DMD: variants seen among roughly 807,000 people sequenced by gnomAD.
The protein encoded by DMD is dystrophin.
In DMD, 63 loss-of-function variants were observed where a neutral mutation model predicts 330.1. That is an observed-to-expected ratio of 0.19 (90% CI 0.16 to 0.24). The LOEUF (loss-of-function observed/expected upper bound fraction) is 0.24. Among genes scored for constraint, DMD ranks in the 10% least tolerant of loss-of-function variants. DMD has a pLI of 1.00. For synonymous variants in DMD, 1,223 were observed against 959.8 expected, an observed-to-expected ratio of 1.27 and a Z score of -5.07; for missense variants, 3,344 against 2,684.1, an observed-to-expected ratio of 1.25 and a Z score of -5.43.
chrX:31,147,184 C>T lies in DMD; in HGVS notation c.10797+91G>A, dbSNP rs934233427. On this transcript the variant is annotated intron_variant, in intron 75 of 78. Transcript: ENST00000357033. ...CATACCAAGCACTTAAGAATTGATG[C>T]TTGTTGCACCTATAAAAAGTGCTCT... The T allele has an allele frequency of 2.0e-5, 23 of 1,134,638 alleles. No individual in the cohort carries two copies. In the African/African-American group the frequency reaches 3.6e-4, roughly 18 times the overall value. The allele number at this position is 1,134,638 out of a possible 1,213,427, so 93.5% of individuals were successfully genotyped here.
At chrX:33,144,619 C>A (rs966167266) in intron 1 of DMD, among the ~76,000 whole-genome samples, 1 of 111,482 alleles carries the variant, frequency 9.0e-6, no homozygotes, top group African/African-American at 3.3e-5. Flanking sequence ...CAAAGGATGA[C>A]GTAGCTTGAT....
chrX:32,733,214 T>C (rs2067959746), intron 7 of DMD, among the ~76,000 whole-genome samples: 1 of 111,350 alleles, frequency 9.0e-6, no homozygotes, highest in African/African-American at 3.3e-5. Flanking sequence ...AAGAGCTAAC[T>C]ATCCTAAATA....
intron 60 of DMD, among the ~76,000 whole-genome samples, chrX:31,397,788 G>A (rs951819037): frequency 2.7e-5 from 3 of 112,007 alleles, no homozygotes; most frequent in African/African-American, 9.7e-5. Flanking sequence ...GATCCCCAAC[G>A]GAGATGTGAA....
At chrX:32,623,931 C>T (rs1198744240) in intron 11 of DMD, among the ~76,000 whole-genome samples, 1 of 111,638 alleles carries the variant, frequency 9.0e-6, no homozygotes, top group Admixed American at 9.5e-5. Flanking sequence ...AGACTGTGCA[C>T]TATTTTATTT....
intron 1 of DMD, among the ~76,000 whole-genome samples, chrX:33,260,373 G>A (rs2052934935): frequency 9.0e-6 from 1 of 111,434 alleles, no homozygotes; most frequent in Admixed American, 9.6e-5. Context: ...ATACTGAACA[G>A]GAGTGCATGT....
At chrX:31,776,350 G>T (rs2090656138) in intron 50 of DMD, among the ~76,000 whole-genome samples, 1 of 109,555 alleles carries the variant, frequency 9.1e-6, no homozygotes, top group South Asian at 3.9e-4. Flanking sequence ...TTTAAAAAGT[G>T]ACTTATTGAA....
At chrX:31,614,383 G>A (rs886282120) in intron 55 of DMD, among the ~76,000 whole-genome samples, 1 of 111,965 alleles carries the variant, frequency 8.9e-6, no homozygotes, top group Non-Finnish European at 1.9e-5. Flanking sequence ...TGTTGGAGGT[G>A]AATAGATATT....
At chrX:32,476,063 T>C (rs757964220) in intron 21 of DMD, among the ~76,000 whole-genome samples, 1 of 111,396 alleles carries the variant, frequency 9.0e-6, no homozygotes, top group East Asian at 2.8e-4. Flanking sequence ...TGAGATGTCA[T>C]TTCAGCAAAT....
intron 21 of DMD, among the ~76,000 whole-genome samples, chrX:32,483,340 A>T (rs1051522351): frequency 1.7e-4 from 18 of 105,431 alleles, no homozygotes; most frequent in Non-Finnish European, 3.1e-4. Flanking sequence ...TATGAAATTT[A>T]AAAAAGAGAA....
intron 44 of DMD, among the ~76,000 whole-genome samples, chrX:32,203,301 T>G (rs1157956285): frequency 8.9e-6 from 1 of 112,794 alleles, no homozygotes; most frequent in Admixed American, 9.4e-5. Flanking sequence ...GCTGGAAATA[T>G]GATTGATTCC....
chrX:31,803,053 G>T (rs2092136790), intron 50 of DMD, among the ~76,000 whole-genome samples: 1 of 112,134 alleles, frequency 8.9e-6, no homozygotes, highest in Non-Finnish European at 1.9e-5. Context: ...GAATCACAGA[G>T]AATTCCCCTT....
Position 31,209,685 on chromosome X carries a change from G to C in DMD, c.9376C>G (p.Leu3126Val), listed in dbSNP as rs1263984333. ...QKALCLDLLS[L>V]SAACDALDQH... ...TCCAAGGCATCACATGCAGCTGACA[G>C]GCTCAAGAGATCCACTGCAAAAAAC... Residue 3126 changes from leucine (L) to valine (V), a missense_variant, in exon 65 of 79, where the codon CTG becomes GTG. By Grantham distance (32) the Leu-to-Val change is conservative. Coordinates refer to ENST00000357033, the MANE Select transcript of DMD (RefSeq NM_004006.3). 1 of 1,210,947 alleles carries C rather than the reference G, an allele frequency of 8.3e-7. No individual in the cohort carries two copies. The highest frequency in any genetic ancestry group is 3.0e-5 in the East Asian group (1 of 33,817).
chrX:31,912,436 A>T (rs1603584765), intron 47 of DMD, among the ~76,000 whole-genome samples: 1 of 111,609 alleles, frequency 9.0e-6, no homozygotes, highest in African/African-American at 3.3e-5. Context: ...ACAACTTTTT[A>T]CAGGGAAAAT....
chrX:31,478,790 T>C (rs899903444), intron 58 of DMD, among the ~76,000 whole-genome samples, 193 bp downstream of exon 58: 1 of 112,337 alleles, frequency 8.9e-6, no homozygotes, highest in Non-Finnish European at 1.9e-5. Context: ...TATTTATGAA[T>C]GCACAAACTG....
chrX:31,723,219 C>G (rs1194675195), intron 52 of DMD, among the ~76,000 whole-genome samples: 1 of 110,809 alleles, frequency 9.0e-6, no homozygotes, highest in Non-Finnish European at 1.9e-5. Flanking sequence ...TACCCTCTCT[C>G]TGTGCAAGCT....
intron 67 of DMD, among the ~76,000 whole-genome samples, chrX:31,189,956 C>T (rs2042158667): frequency 1.8e-5 from 2 of 112,358 alleles, no homozygotes; most frequent in East Asian, 5.6e-4. Flanking sequence ...ACATAAAAGG[C>T]TAACAGACTT....
chrX:32,503,722 A>T (rs1024655112), intron 18 of DMD, among the ~76,000 whole-genome samples: 4 of 109,816 alleles, frequency 3.6e-5, no homozygotes, highest in Non-Finnish European at 5.7e-5. Flanking sequence ...CGCCCAGCTA[A>T]TTTTTGTATT....
At chrX:33,102,242 G>A (rs908128922) in intron 1 of DMD, among the ~76,000 whole-genome samples, 1 of 108,959 alleles carries the variant, frequency 9.2e-6, no homozygotes, top group Admixed American at 9.9e-5. Flanking sequence ...TAAAAGAATC[G>A]TCCTTTAAGT....
At chrX:32,833,573 A>G (rs1253606139) in intron 4 of DMD, among the ~76,000 whole-genome samples, 1 of 109,042 alleles carries the variant, frequency 9.2e-6, no homozygotes, top group African/African-American at 3.3e-5. Flanking sequence ...ATATTATTTA[A>G]TTTGAATTTT....
Sources: allele counts gnomAD v4.1 joint callset (sites outside exome capture counted in the v4.1 genomes callset), GRCh38; gene constraint gnomAD v4.1.1; transcripts MANE v1.5; gene names NCBI Gene and HGNC (gene_info 2026-07-23, HGNC 2026-07-21).